The following ROBO1 variants were observed in gnomAD, a reference collection of about 807,000 sequenced individuals.
The protein encoded by ROBO1 is roundabout guidance receptor 1.
A neutral mutation model predicts 195.9 loss-of-function variants in ROBO1; 149 were observed. The ratio of observed to expected loss-of-function variants is 0.76; its 90% CI spans 0.67 to 0.87. The LOEUF is 0.87. Ranked by LOEUF, ROBO1 falls within the 40% of genes least tolerant of loss-of-function variation. The pLI is 0.00. For missense variants in ROBO1, 1,933 were observed against 2,068.3 expected (o/e 0.93, Z 1.27); for synonymous variants, 816 against 733.2 (o/e 1.11, Z -1.82).
At chr3:79,700,317 TTGTGTGTGTGTGTG>T (rs71130610) in intron 1 of ROBO1, among the ~76,000 whole-genome samples, 1 of 144,146 alleles carries the variant, frequency 6.9e-6, no homozygotes, top group African/African-American at 2.6e-5. Flanking sequence ...GTGTGTGTGT[TTGTGTGTGTGTGTG>T]TGTGTGTGTG....
chr3:79,375,681 GA>G (rs1246281542), intron 2 of ROBO1, among the ~76,000 whole-genome samples: 2 of 152,164 alleles, frequency 1.3e-5, no homozygotes, highest in East Asian at 3.8e-4. Flanking sequence ...GAGGAGATGA[GA>G]AAACTAATAT....
chr3:79,429,898 A>G (rs2038605983), intron 2 of ROBO1, among the ~76,000 whole-genome samples: 1 of 151,864 alleles, frequency 6.6e-6, no homozygotes, highest in Admixed American at 6.6e-5. Context: ...TAAATATAAG[A>G]TATGTCTGAT....
chr3:79,047,395 T>G (rs2078614664), intron 3 of ROBO1, among the ~76,000 whole-genome samples: 1 of 152,076 alleles, frequency 6.6e-6, no homozygotes, highest in African/African-American at 2.4e-5. Context: ...CCAAGACTTT[T>G]GAAAATGCTC....
chr3:79,463,432 A>G (rs1040565733), intron 2 of ROBO1, among the ~76,000 whole-genome samples: 11 of 152,138 alleles, frequency 7.2e-5, no homozygotes, highest in African/African-American at 2.6e-4. Context: ...TTTTCAAGCA[A>G]CTGTAATAAA....
At chr3:79,101,632 A>G (rs1265113065) in intron 3 of ROBO1, among the ~76,000 whole-genome samples, 1 of 151,838 alleles carries the variant, frequency 6.6e-6, no homozygotes, top group Admixed American at 6.6e-5. Flanking sequence ...TGCTAATCTG[A>G]GAATTACAAG....
chr3:78,738,199 G>C (rs1370700615), intron 5 of ROBO1, among the ~76,000 whole-genome samples: 2 of 152,138 alleles, frequency 1.3e-5, no homozygotes, highest in Non-Finnish European at 2.9e-5. Context: ...TGAAGGATCT[G>C]AAGGGCACTG....
intron 2 of ROBO1, among the ~76,000 whole-genome samples, chr3:79,184,745 G>T (rs2081405955): frequency 6.6e-6 from 1 of 152,140 alleles, no homozygotes; most frequent in South Asian, 2.1e-4. Context: ...GCTCTGGAAA[G>T]GATCCCTGAA....
In ROBO1 at chr3:78,614,648, C is replaced by A. The variant is rs777087008; in HGVS notation, c.4435G>T (p.Asp1479Tyr). ...TTTTCATCCGTGTCAATGGACTCAC[C>A]ATCTGTGTAGGTTTCTCTGCGCAGA... ...GHLRRETYTDDLPPPPVPPPA... is the reference protein window; with the variant it reads ...GHLRRETYTDYLPPPPVPPPA... The change falls in exon 28 of 31, where the codon GAT (aspartate) becomes TAT (tyrosine). Residue 1479 changes from aspartate (D) to tyrosine (Y), a missense_variant and splice_region_variant. Asp to Tyr is a radical substitution (Grantham distance 160). Coordinates refer to ENST00000464233, the MANE Select transcript of ROBO1 (RefSeq NM_002941.4). The A allele has an allele frequency of 6.2e-7, 1 of 1,613,098 alleles. No individual in the cohort carries two copies. The highest frequency in any genetic ancestry group is 8.5e-7 in the Non-Finnish European group (1 of 1,179,438).
intron 21 of ROBO1, among the ~76,000 whole-genome samples, chr3:78,643,683 G>A (rs575694893): frequency 6.6e-6 from 1 of 152,030 alleles, no homozygotes; most frequent in Non-Finnish European, 1.5e-5. Context: ...AAACATGATA[G>A]GTCCTATTGA....
At chr3:79,234,021 C>T (rs372486195) in intron 2 of ROBO1, among the ~76,000 whole-genome samples, 24 of 150,608 alleles carry the variant, frequency 1.6e-4, no homozygotes, top group East Asian at 1.4e-3. Flanking sequence ...CTTTTGCCCA[C>T]GTTTTAATGC....
chr3:78,643,487 A>T (rs547276747), intron 21 of ROBO1, among the ~76,000 whole-genome samples: 3 of 152,160 alleles, frequency 2.0e-5, no homozygotes, highest in Non-Finnish European at 2.9e-5. Flanking sequence ...GTGGGGAGAC[A>T]GTCCAGACCT....
At chr3:79,256,041 CA>C (rs552861868) in intron 2 of ROBO1, among the ~76,000 whole-genome samples, 67 of 152,138 alleles carry the variant, frequency 4.4e-4, no homozygotes, top group Non-Finnish European at 6.9e-4. Context: ...CCATTGAATA[CA>C]AACTTCTGAG....
chr3:78,936,039 T>C (rs2039787779), intron 4 of ROBO1, among the ~76,000 whole-genome samples: 2 of 152,052 alleles, frequency 1.3e-5, no homozygotes. Context: ...AGGTCTACCC[T>C]TGTTATAACT....
At chr3:78,842,556 T>TTA (rs1339902494) in intron 4 of ROBO1, among the ~76,000 whole-genome samples, 1 of 138,766 alleles carries the variant, frequency 7.2e-6, no homozygotes, top group Non-Finnish European at 1.5e-5. Context: ...CCATATATAT[T>TTA]TATATATATG....
chr3:78,711,644 C>T, intron 8 of ROBO1, among the ~76,000 whole-genome samples: 1 of 137,774 alleles, frequency 7.3e-6, no homozygotes, highest in African/African-American at 2.8e-5. Context: ...TGCCACCACG[C>T]CCAGCTAATT....
In ROBO1 at chr3:79,643,090, A is replaced by T. The variant is rs182612788; in HGVS notation, c.-50-53129T>A. Among the ~76,000 whole-genome samples the T allele has an allele frequency of 6.5e-4, 95 of 147,250 alleles. 2 individuals are homozygous for T. The highest frequency in any genetic ancestry group is 2.2e-3 in the Admixed American group (33 of 14,676). ...CATCTAATCAGCTGCTAGTGTGGCT[A>T]AAAAAAAAAGCAGACAGAAGAAGTT... is the stretch of plus-strand genomic sequence containing the variant. On this transcript the variant is annotated intron_variant, in intron 1 of 30. Coordinates refer to ENST00000464233, the MANE Select transcript of ROBO1 (RefSeq NM_002941.4).
intron 3 of ROBO1, among the ~76,000 whole-genome samples, chr3:79,063,300 C>T (rs967416468): frequency 2.6e-5 from 4 of 151,886 alleles, no homozygotes; most frequent in East Asian, 1.9e-4. Flanking sequence ...AAGATAGCTC[C>T]GGCAATACTC....
chr3:79,242,333 T>C (rs2082534750), intron 2 of ROBO1, among the ~76,000 whole-genome samples: 1 of 152,184 alleles, frequency 6.6e-6, no homozygotes, highest in African/African-American at 2.4e-5. Context: ...CTATAATACC[T>C]ATGCCTGTAT....
intron 3 of ROBO1, among the ~76,000 whole-genome samples, chr3:79,114,785 A>G (rs2079959942): frequency 1.3e-5 from 2 of 152,186 alleles, no homozygotes; most frequent in African/African-American, 4.8e-5. Flanking sequence ...TTTGGAAGAA[A>G]CATATTCCAC....
Sources: allele counts gnomAD v4.1 joint callset (sites outside exome capture counted in the v4.1 genomes callset), GRCh38; gene constraint gnomAD v4.1.1; transcripts MANE v1.5; gene names NCBI Gene and HGNC (gene_info 2026-07-23, HGNC 2026-07-21).